The following TMEM132D variants were observed in gnomAD, a reference collection of about 807,000 sequenced individuals.
TMEM132D encodes the protein transmembrane protein 132D.
A neutral mutation model predicts 62.3 loss-of-function variants in TMEM132D; 21 were observed. The observed-to-expected ratio is 0.34, with a 90% CI of 0.24 to 0.49. The LOEUF is 0.49. Among genes scored for constraint, TMEM132D ranks in the 20% least tolerant of loss-of-function variants. The pLI, the probability that TMEM132D is intolerant of heterozygous loss-of-function variation, is 0.99. For synonymous variants in TMEM132D, 621 were observed against 575.6 expected (o/e 1.08, Z -1.13); for missense variants, 1,346 against 1,402.8 (o/e 0.96, Z 0.65).
chr12:129,645,925 G>T (rs1452468506), intron 2 of TMEM132D, among the ~76,000 whole-genome samples: 1 of 152,132 alleles, frequency 6.6e-6, no homozygotes, highest in Non-Finnish European at 1.5e-5. Flanking sequence ...AGAACCCTCA[G>T]TTCCAGGAAC....
chr12:129,187,618 T>C (rs569327760), intron 5 of TMEM132D, among the ~76,000 whole-genome samples: 1 of 152,352 alleles, frequency 6.6e-6, no homozygotes, highest in African/African-American at 2.4e-5. Context: ...TGGGAATGTG[T>C]CTTCTTTGTA....
chr12:129,131,922 G>T (rs1352252531), intron 5 of TMEM132D, among the ~76,000 whole-genome samples: 4 of 152,068 alleles, frequency 2.6e-5, no homozygotes, highest in Non-Finnish European at 5.9e-5. Context: ...TTTTATAGGA[G>T]ACCACAGGGT....
At chr12:129,652,798 T>G (rs929256278) in intron 2 of TMEM132D, among the ~76,000 whole-genome samples, 2 of 152,220 alleles carry the variant, frequency 1.3e-5, no homozygotes, top group Non-Finnish European at 2.9e-5. Flanking sequence ...GCTGTGGTAG[T>G]TTGTTACAAC....
intron 3 of TMEM132D, among the ~76,000 whole-genome samples, chr12:129,511,596 G>A (rs891529823): frequency 2.0e-5 from 3 of 152,070 alleles, no homozygotes; most frequent in African/African-American, 7.2e-5. Flanking sequence ...AAAGGTGCTG[G>A]GAGTCTTTTC....
At chr12:129,341,544 C>T (rs931464121) in intron 3 of TMEM132D, among the ~76,000 whole-genome samples, 5 of 152,304 alleles carry the variant, frequency 3.3e-5, no homozygotes, top group Admixed American at 1.3e-4. Context: ...CTGGCCCTTG[C>T]TGGGCAGCAT....
chr12:129,396,826 C>CA (rs754188915), intron 3 of TMEM132D, among the ~76,000 whole-genome samples: 3 of 152,174 alleles, frequency 2.0e-5, no homozygotes, highest in East Asian at 1.9e-4. Context: ...AAAGCAAATA[C>CA]AAAAAAGCCA....
chr12:129,500,344 A>C (rs1477044796), intron 3 of TMEM132D, among the ~76,000 whole-genome samples: 412 of 96,162 alleles, frequency 4.3e-3, no homozygotes, highest in Middle Eastern at 0.018. Flanking sequence ...ACCTCCAACA[A>C]ATACCCTGAG....
chr12:129,747,454 TCACA>T (rs1376185633), intron 1 of TMEM132D, among the ~76,000 whole-genome samples: 3 of 141,280 alleles, frequency 2.1e-5, no homozygotes, highest in African/African-American at 5.4e-5. Context: ...AGTCACCCTC[TCACA>T]CACATTCAGA....
rs1874081159 is a variant in TMEM132D at position 129,071,982 on chromosome 12, G to GACTT, written c.*1889_*1892dup. 1 of 152,154 alleles carries GACTT rather than the reference G, an allele frequency of 6.6e-6. No individual in the cohort carries two copies. Among genetic ancestry groups the GACTT allele is most frequent in the Non-Finnish European group, 1.5e-5 (1 of 68,034 alleles). The allele number at this position is 152,154 out of a possible 1,614,324, so 9.4% of individuals were successfully genotyped here. On this transcript the variant is annotated 3_prime_UTR_variant, in exon 9 of 9. Coordinates refer to ENST00000422113, the MANE Select transcript of TMEM132D (RefSeq NM_133448.3). ...GGTAAGCTTGCGGACAGGAGCAGGT[G>GACTT]ACTTACTGGCTGCAGAAACCTCAGT...
chr12:129,705,760 G>C (rs796831390), intron 1 of TMEM132D, among the ~76,000 whole-genome samples: 44 of 152,244 alleles, frequency 2.9e-4, no homozygotes, highest in African/African-American at 1.0e-3. Flanking sequence ...CATTCAGATA[G>C]AGAGTTTCAA....
At chr12:129,567,376 G>C (rs1390523671) in intron 2 of TMEM132D, among the ~76,000 whole-genome samples, 1 of 152,128 alleles carries the variant, frequency 6.6e-6, no homozygotes, top group Non-Finnish European at 1.5e-5. Flanking sequence ...TTCATTGATA[G>C]GATTTTAGAA....
At chr12:129,450,419 A>G (rs550348411) in intron 3 of TMEM132D, among the ~76,000 whole-genome samples, 1 of 152,298 alleles carries the variant, frequency 6.6e-6, no homozygotes, top group African/African-American at 2.4e-5. Context: ...AAGTTTATCT[A>G]TGTAACAAAC....
intron 3 of TMEM132D, among the ~76,000 whole-genome samples, chr12:129,417,414 A>G (rs547818256): frequency 3.9e-5 from 6 of 152,178 alleles, no homozygotes; most frequent in Non-Finnish European, 8.8e-5. Context: ...CAACCATCTG[A>G]TCTTTGACAA....
intron 3 of TMEM132D, among the ~76,000 whole-genome samples, chr12:129,367,640 T>G (rs1233963514): frequency 6.6e-6 from 1 of 152,118 alleles, no homozygotes; most frequent in Non-Finnish European, 1.5e-5. Context: ...GGATGAGTGG[T>G]AGCCAGAGGC....
At chr12:129,833,464 C>T (rs1320284160) in intron 1 of TMEM132D, among the ~76,000 whole-genome samples, 1 of 151,674 alleles carries the variant, frequency 6.6e-6, no homozygotes, top group Non-Finnish European at 1.5e-5. Flanking sequence ...AAAACAAAAA[C>T]AAAAACAAAA....
intron 5 of TMEM132D, among the ~76,000 whole-genome samples, chr12:129,205,813 A>G (rs942685657): frequency 1.3e-5 from 2 of 152,160 alleles, no homozygotes; most frequent in Non-Finnish European, 2.9e-5. Context: ...AAACCATACC[A>G]ACCATACTCT....
intron 1 of TMEM132D, among the ~76,000 whole-genome samples, chr12:129,764,987 C>T (rs1870506039): frequency 6.6e-6 from 1 of 152,068 alleles, no homozygotes; most frequent in Non-Finnish European, 1.5e-5. Flanking sequence ...GAAAAATGCC[C>T]TATTTGTTCA....
Position 129,175,009 on chromosome 12 carries a change from T to C in TMEM132D, c.1443+34511A>G, listed in dbSNP as rs192910187. Reference sequence around the variant, plus strand: ...AGATGGGTAGATTGCAAACATTTTCTCCCATTCTGTAGGTTGCCTGTTCAC... The same window carrying C: ...AGATGGGTAGATTGCAAACATTTTCCCCCATTCTGTAGGTTGCCTGTTCAC... On this transcript the variant is annotated intron_variant, in intron 5 of 8. Coordinates refer to ENST00000422113, the MANE Select transcript of TMEM132D (RefSeq NM_133448.3). 4.4e-4 allele frequency among the ~76,000 whole-genome samples: 67 copies of C among 152,340 alleles called. No homozygotes were observed. In the South Asian group the frequency reaches 7.5e-3, roughly 17 times the overall value.
intron 1 of TMEM132D, among the ~76,000 whole-genome samples, chr12:129,890,487 G>A (rs1396693112): frequency 3.9e-5 from 6 of 152,206 alleles, no homozygotes; most frequent in African/African-American, 1.4e-4. Context: ...TACTCAAGGA[G>A]TCTAGCTGCT....
Sources: gnomAD v4.1 joint callset for allele counts (sites outside exome capture counted in the v4.1 genomes callset) on GRCh38, gnomAD v4.1.1 for gene constraint, MANE v1.5 for transcripts, NCBI Gene and HGNC (gene_info 2026-07-23, HGNC 2026-07-21) for gene names.